HEATR9: variants seen among roughly 807,000 people sequenced by gnomAD.
The protein encoded by HEATR9 is HEAT repeat containing 9.
Under a neutral mutation model 68.2 loss-of-function variants are expected in HEATR9, and 54 were observed. That is an observed-to-expected ratio of 0.79 (90% confidence interval 0.64 to 0.99). The LOEUF is 0.99. Ranked by LOEUF, HEATR9 falls within the 50% of genes least tolerant of loss-of-function variation. The pLI is 0.00. For missense variants in HEATR9, 662 were observed against 679.7 expected (o/e 0.97, Z 0.29); for synonymous variants, 241 against 253.5 (o/e 0.95, Z 0.47).
intron 4 of HEATR9, 70 bp from the exon 5 acceptor site, chr17:35,864,623 C>T (rs2088126981): frequency 6.3e-7 from 1 of 1,586,024 alleles, no homozygotes; most frequent in Non-Finnish European, 8.6e-7. Context: ...AAAGGGAGCT[C>T]ATCCAATCCA....
intron 2 of HEATR9, 147 bp from the exon 3 acceptor site, chr17:35,865,543 C>T: frequency 1.6e-6 from 1 of 606,088 alleles, no homozygotes; most frequent in Non-Finnish European, 2.9e-6. Context: ...ACAGCTACCA[C>T]CTAACCCCTT....
At chr17:35,862,300 C>G (rs1286989308) in intron 8 of HEATR9, among the ~76,000 whole-genome samples, 3 of 152,154 alleles carry the variant, frequency 2.0e-5, no homozygotes, top group Non-Finnish European at 4.4e-5. Context: ...AGGACAGTGC[C>G]TGGCACATGA....
At chr17:35,861,063 G>T in intron 8 of HEATR9, 2 of 858,244 alleles carry the variant, frequency 2.3e-6, no homozygotes. Flanking sequence ...AAAAGAAATG[G>T]TTACAGAGAT....
intron 11 of HEATR9, among the ~76,000 whole-genome samples, chr17:35,857,268 A>G (rs545886748): frequency 1.7e-4 from 26 of 152,304 alleles, no homozygotes; most frequent in African/African-American, 5.5e-4. Flanking sequence ...CAACAGGTAT[A>G]AATCAGGACA....
chr17:35,864,152 C>G (rs771806415), intron 6 of HEATR9, 94 bp downstream of exon 6: 2 of 1,052,362 alleles, frequency 1.9e-6, no homozygotes, highest in East Asian at 4.8e-5. Flanking sequence ...GACCCGCCAT[C>G]CTAGCACCCC....
At chr17:35,858,821 C>A (rs2087870700) in intron 9 of HEATR9, 67 bp downstream of exon 9, 3 of 1,556,640 alleles carry the variant, frequency 1.9e-6, no homozygotes, top group Non-Finnish European at 2.6e-6. Flanking sequence ...ATGGCAGGAT[C>A]CAGACCACAC....
intron 2 of HEATR9, 80 bp downstream of exon 2, chr17:35,866,644 G>A (rs1360685513): frequency 1.5e-6 from 2 of 1,330,620 alleles, no homozygotes; most frequent in Non-Finnish European, 2.2e-6. Context: ...TCTGTGAGCT[G>A]GCTTTAATGG....
chr17:35,868,680 C>G lies in HEATR9; in HGVS notation c.63G>C (p.Trp21Cys), dbSNP rs770044344. 3.7e-6 allele frequency: 6 copies of G among 1,614,104 alleles called. No homozygotes were observed. Among genetic ancestry groups the G allele is most frequent in the Non-Finnish European group, 5.1e-6 (6 of 1,179,942 alleles). Residue 21 changes from tryptophan (W) to cysteine (C), a missense_variant, in exon 1 of 15, where the codon TGG (tryptophan) becomes TGC (cysteine). Transcript: ENST00000604834. ...CTTTGGTCTTGTCTGGATATTCCAG[C>G]CATGGGTACAGGAACATTGACCTGG... is the stretch of plus-strand genomic sequence containing the variant. ...DVSRSMFLYP[W>C]LEYPDKTKEL...
chr17:35,856,678 C>A (rs1196535972), intron 12 of HEATR9, 54 bp downstream of exon 12: 1 of 1,487,278 alleles, frequency 6.7e-7, no homozygotes, highest in Admixed American at 1.9e-5. Flanking sequence ...CACTGACCCT[C>A]TGCCCCCTTC....
chr17:35,855,979 C>A (rs1444491844), intron 13 of HEATR9, among the ~76,000 whole-genome samples, 194 bp downstream of exon 13: 1 of 152,122 alleles, frequency 6.6e-6, no homozygotes, highest in Non-Finnish European at 1.5e-5. Flanking sequence ...AAGCAACACC[C>A]CTCACATCAA....
intron 3 of HEATR9, 150 bp from the exon 4 acceptor site, chr17:35,865,040 G>A: frequency 7.6e-7 from 1 of 1,315,604 alleles, no homozygotes; most frequent in African/African-American, 1.5e-5. Flanking sequence ...CCAGAGCCGA[G>A]CCGAGCCGAG....
intron 8 of HEATR9, among the ~76,000 whole-genome samples, chr17:35,862,128 C>T (rs114699140): frequency 0.021 from 3,181 of 152,126 alleles, 120 homozygotes; most frequent in African/African-American, 0.073. Flanking sequence ...GAACATCTGC[C>T]TCAGCCTCTC....
chr17:35,856,087 T>C (rs996008495), intron 13 of HEATR9, 86 bp downstream of exon 13: 23 of 1,419,102 alleles, frequency 1.6e-5, no homozygotes, highest in Admixed American at 1.2e-4. Context: ...TTACAGGCCT[T>C]TATTCCCCTC....
Position 35,864,749 on chromosome 17 carries a change from G to C in HEATR9, c.453+9C>G, listed in dbSNP as rs769688550. 1 of 1,614,092 alleles carries C rather than the reference G, an allele frequency of 6.2e-7. No individual in the cohort carries two copies. The highest frequency in any genetic ancestry group is 8.5e-7 in the Non-Finnish European group (1 of 1,179,986). On this transcript the variant is annotated intron_variant, in intron 4 of 14. Coordinates refer to ENST00000604834, the MANE Select transcript of HEATR9 (RefSeq NM_152781.4). ...GAGTCCCCCACGTCCTCTCCCACAT[G>C]GTCCTGACCCTTAATCTTTGCCACT...
chr17:35,855,629 G>T (rs1222789163), intron 14 of HEATR9, 35 bp downstream of exon 14: 1 of 1,587,276 alleles, frequency 6.3e-7, no homozygotes, highest in East Asian at 2.2e-5. Context: ...GAGGGCTAGA[G>T]AAGAGGAAGA....
chr17:35,855,203 T>C lies in HEATR9; in HGVS notation c.1573A>G (p.Ile525Val). 1 of 1,614,208 alleles carries C rather than the reference T, an allele frequency of 6.2e-7. No individual in the cohort carries two copies. The highest frequency in any genetic ancestry group is 8.5e-7 in the Non-Finnish European group (1 of 1,180,030). Residue 525 changes from isoleucine to valine, a missense_variant, in exon 15 of 15, where the codon ATC (isoleucine) becomes GTC (valine). Transcript: ENST00000604834. ...GTTTTCTTTTGGCCTACTTTGGTGA[T>C]GGACTTTGCAATAAACAAGGGGTTC... ...KLNPLFIAKS[I>V]TKVGQKKTPA...
intron 2 of HEATR9, 28 bp downstream of exon 2, chr17:35,866,696 C>G (rs371578394): frequency 4.4e-6 from 7 of 1,607,936 alleles, no homozygotes; most frequent in Non-Finnish European, 6.0e-6. Flanking sequence ...GATACAGCTC[C>G]CAGGGTAGCA....
chr17:35,863,449 G>A, intron 7 of HEATR9, 53 bp downstream of exon 7: 1 of 1,571,542 alleles, frequency 6.4e-7, no homozygotes, highest in East Asian at 2.2e-5. Flanking sequence ...TTACCCAAAG[G>A]AGAAAGTGGT....
At chr17:35,865,971 A>T (rs1287033139) in intron 2 of HEATR9, among the ~76,000 whole-genome samples, 1 of 152,212 alleles carries the variant, frequency 6.6e-6, no homozygotes, top group Non-Finnish European at 1.5e-5. Context: ...TATCACTTAA[A>T]CAATTGTGAA....
Sources: gnomAD v4.1 joint callset for allele counts (sites outside exome capture counted in the v4.1 genomes callset) on GRCh38, gnomAD v4.1.1 for gene constraint, MANE v1.5 for transcripts, NCBI Gene and HGNC (gene_info 2026-07-23, HGNC 2026-07-21) for gene names.